Variants in TMEM237 observed in about 807,000 individuals in gnomAD.
TMEM237 encodes the protein transmembrane protein 237.
In TMEM237, 51 loss-of-function variants were observed where a neutral mutation model predicts 59.1. The observed-to-expected ratio is 0.86, with a 90% confidence interval of 0.69 to 1.09. The LOEUF is 1.09. TMEM237 is among the 50% of genes least tolerant of loss of function. The pLI is 0.00. For missense variants in TMEM237, 475 were observed against 478.3 expected (o/e 0.99, Z 0.06); for synonymous variants, 140 against 166.1 (o/e 0.84, Z 1.21).
intron 9 of TMEM237, 150 bp from the exon 10 acceptor site, chr2:201,628,299 A>G (rs975521578): frequency 1.2e-5 from 6 of 500,744 alleles, no homozygotes; most frequent in Admixed American, 6.7e-5. Flanking sequence ...CTTAACACGC[A>G]TGACAAAATT....
In TMEM237 at chr2:201,642,880, C is replaced by G. The variant is rs1455648940; in HGVS notation, c.42+479G>C. The G allele has an allele frequency of 5.2e-6, 7 of 1,335,970 alleles. No individual in the cohort carries two copies. In the Admixed American group the frequency reaches 1.6e-4, roughly 30 times the overall value. 82.8% of individuals were successfully genotyped at this position (1,335,970 alleles called of 1,614,324 possible). ...TGCCCAGGAGCAGAAATCTGGCGAC[C>G]GTGGCGCTGCAATCACAGCTTTCCC... On this transcript the variant is annotated intron_variant, in intron 1 of 12. Coordinates refer to ENST00000409883, the MANE Select transcript of TMEM237 (RefSeq NM_001044385.3).
At chr2:201,636,719 C>T in intron 5 of TMEM237, 29 bp downstream of exon 5, 1 of 1,552,794 alleles carries the variant, frequency 6.4e-7, no homozygotes, top group Non-Finnish European at 8.7e-7. Flanking sequence ...CAAGTGCTAT[C>T]ACAACTTAAC....
Position 201,635,010 on chromosome 2 carries a change from T to C in TMEM237, c.275-1579A>G, listed in dbSNP as rs192673317. The C allele has an allele frequency of 1.8e-3, 334 of 188,632 alleles. 1 individual carries two copies. The highest frequency in any genetic ancestry group is 7.3e-3 in the African/African-American group (304 of 41,850). The allele number at this position is 188,632 out of a possible 1,614,324, so 11.7% of individuals were successfully genotyped here. ...TCCCTGAGTTTTGCTCCAATACAACTCTTTGTCATTTTTCTAATTATTATA... is the reference window on the plus strand; with the variant it reads ...TCCCTGAGTTTTGCTCCAATACAACCCTTTGTCATTTTTCTAATTATTATA... On this transcript the variant is annotated intron_variant, in intron 5 of 12. Transcript: ENST00000409883. The surrounding 1 kb of genome is among the most constrained non-coding windows in gnomAD (Gnocchi z 4.5).
intron 2 of TMEM237, 107 bp from the exon 3 acceptor site, chr2:201,640,372 C>A: frequency 9.0e-7 from 1 of 1,114,718 alleles, no homozygotes; most frequent in Non-Finnish European, 1.2e-6. Flanking sequence ...TGACTTAAAT[C>A]ATTACAAATT....
intron 7 of TMEM237, 35 bp from the exon 8 acceptor site, chr2:201,629,887 G>A (rs897303687): frequency 3.1e-6 from 5 of 1,592,334 alleles, no homozygotes; most frequent in Non-Finnish European, 4.3e-6. Context: ...AACAACTAGC[G>A]AGAGAGAACC....
At chr2:201,634,697 G>A (rs1247301678) in intron 5 of TMEM237, 1 of 198,428 alleles carries the variant, frequency 5.0e-6, no homozygotes, top group African/African-American at 2.4e-5. Flanking sequence ...GTTAAAGCTA[G>A]TCTGAGCACC....
chr2:201,641,129 T>C (rs184059957), intron 1 of TMEM237, among the ~76,000 whole-genome samples: 22 of 152,186 alleles, frequency 1.4e-4, no homozygotes, highest in East Asian at 1.3e-3. Context: ...GTAGCTGGGA[T>C]TACAGGCACC....
chr2:201,639,594 G>A (rs1355611775), intron 3 of TMEM237, among the ~76,000 whole-genome samples: 2 of 152,142 alleles, frequency 1.3e-5, no homozygotes, highest in African/African-American at 2.4e-5. Context: ...TCAGGAGTTC[G>A]ACACCAGCCT....
Position 201,640,252 on chromosome 2 carries a change from C to A in TMEM237, c.79+9G>T, listed in dbSNP as rs1290498026. The A allele has an allele frequency of 6.4e-7, 1 of 1,551,118 alleles. No homozygotes were observed. The highest frequency in any genetic ancestry group is 8.6e-7 in the Non-Finnish European group (1 of 1,159,402). ...CACCAAATATTATATTTACATTAAACTAACTCACCTTGACTAACACGTCAT... is the reference window on the plus strand; with the variant it reads ...CACCAAATATTATATTTACATTAAAATAACTCACCTTGACTAACACGTCAT... On this transcript the variant is annotated intron_variant, in intron 3 of 12. Coordinates refer to ENST00000409883, the MANE Select transcript of TMEM237 (RefSeq NM_001044385.3).
intron 8 of TMEM237, 39 bp downstream of exon 8, chr2:201,629,690 T>A (rs777812863): frequency 5.4e-5 from 85 of 1,580,146 alleles, no homozygotes; most frequent in Admixed American, 3.6e-4. Context: ...AGAACTCAGT[T>A]AACATTTATT....
At chr2:201,642,943 A>G (rs1687460520) in intron 1 of TMEM237, 2 of 1,322,806 alleles carry the variant, frequency 1.5e-6, no homozygotes, top group African/African-American at 3.1e-5. Context: ...TGTTTGCGGG[A>G]AGCGGGGCGT....
chr2:201,641,019 T>G, intron 1 of TMEM237, 95 bp from the exon 2 acceptor site: 1 of 1,069,858 alleles, frequency 9.3e-7, no homozygotes, highest in Non-Finnish European at 1.4e-6. Flanking sequence ...TGAGATGGTG[T>G]ATTGCTGTGT....
At position 201,620,422 on chromosome 2, in the gene TMEM237, A is replaced by G. The variant is rs1957688084; in HGVS notation, c.*3833T>C. The stretch of plus-strand genomic sequence containing the variant: ...TGCTATATCCAAGCTACTTCTTGGC[A>G]TATCCTTGTCAGCCTAAATAACAGA... On this transcript the variant is annotated 3_prime_UTR_variant, in exon 13 of 13. Coordinates refer to ENST00000409883, the MANE Select transcript of TMEM237 (RefSeq NM_001044385.3). 6.6e-6 allele frequency: 1 copy of G among 152,234 alleles called. No individual in the cohort carries two copies. Among genetic ancestry groups the G allele is most frequent in the Admixed American group, 6.5e-5 (1 of 15,288 alleles). 9.4% of individuals were successfully genotyped at this position (152,234 alleles called of 1,614,324 possible). A position where few individuals can be genotyped will look rare whatever the true frequency, so the allele number is the denominator to read the frequency against.
At chr2:201,642,735 T>G (rs1687452964) in intron 1 of TMEM237, 2 of 1,506,238 alleles carry the variant, frequency 1.3e-6, no homozygotes, top group Non-Finnish European at 1.8e-6. Context: ...CCGCGCCGCC[T>G]GGCTAGTACC....
chr2:201,639,501 A>T (rs1687367679), intron 3 of TMEM237, among the ~76,000 whole-genome samples: 1 of 152,228 alleles, frequency 6.6e-6, no homozygotes, highest in African/African-American at 2.4e-5. Context: ...GCACAGAAGT[A>T]GCCTAGATTG....
chr2:201,632,324 TG>T, intron 6 of TMEM237, 116 bp from the exon 7 acceptor site: 4 of 1,133,000 alleles, frequency 3.5e-6, no homozygotes, highest in Non-Finnish European at 5.0e-6. Flanking sequence ...TTAAGAAATG[TG>T]GTTTTTACTC....
At chr2:201,636,451 G>T in intron 5 of TMEM237, 1 of 270,442 alleles carries the variant, frequency 3.7e-6, no homozygotes, top group Non-Finnish European at 6.9e-6. Context: ...CCACTAATCT[G>T]AAATGTCCAT....
chr2:201,629,597 A>C (rs933200842), intron 8 of TMEM237, 132 bp downstream of exon 8: 2 of 1,365,282 alleles, frequency 1.5e-6, no homozygotes, highest in Non-Finnish European at 2.0e-6. Flanking sequence ...AGGATGTTTA[A>C]AAAATATACC....
intron 6 of TMEM237, 82 bp downstream of exon 6, chr2:201,633,229 A>G: frequency 7.0e-7 from 1 of 1,422,494 alleles, no homozygotes; most frequent in South Asian, 1.4e-5. Flanking sequence ...ATAAGACTTA[A>G]TGAGAAGCTA....
Sources: gnomAD v4.1 joint callset for allele counts (sites outside exome capture counted in the v4.1 genomes callset) on GRCh38, gnomAD v4.1.1 for gene constraint, Gnocchi (gnomAD v3.1) non-coding constraint, MANE v1.5 for transcripts, NCBI Gene and HGNC (gene_info 2026-07-23, HGNC 2026-07-21) for gene names.